Variants in TPCN1 observed in about 807,000 individuals in gnomAD.
The protein encoded by TPCN1 is two pore segment channel 1, also known as two pore channel protein 1.
In TPCN1, 52 loss-of-function variants were observed where a neutral mutation model predicts 108.8. The ratio of observed to expected loss-of-function variants is 0.48; its 90% CI spans 0.38 to 0.60. The LOEUF is 0.60. TPCN1 is among the 20% of genes least tolerant of loss of function. The pLI is 0.00. For missense variants in TPCN1, 806 were observed against 1,072.8 expected (o/e 0.75, Z 3.47); for synonymous variants, 446 against 433.7 (o/e 1.03, Z -0.35).
At position 113,266,280 on chromosome 12, in the gene TPCN1, TG is replaced by T. The variant is rs1161541076; in HGVS notation, c.340del (p.Ala114ProfsTer35). On this transcript the variant is annotated frameshift_variant, in exon 4 of 28. Coordinates refer to ENST00000335509, the MANE Select transcript of TPCN1 (RefSeq NM_017901.6). LOFTEE classifies it high-confidence loss of function. The surrounding 1 kb of genome is among the most constrained non-coding windows in gnomAD (Gnocchi z 4.2). ...AHNHLFYLME[L>X]ATALLLLLLS... ...AATCACCTCTTCTACCTGATGGAGCTGGCCACGGCCCTGCTGCTGCTGCTGC... is the reference window on the plus strand; with the variant it reads ...AATCACCTCTTCTACCTGATGGAGCTGCCACGGCCCTGCTGCTGCTGCTGC... The T allele has an allele frequency of 6.2e-7, 1 of 1,613,828 alleles. No homozygotes were observed. The highest frequency in any genetic ancestry group is 8.5e-7 in the Non-Finnish European group (1 of 1,180,040).
intron 12 of TPCN1, 22 bp from the exon 13 acceptor site, chr12:113,278,167 C>T (rs1239272198): frequency 6.2e-7 from 1 of 1,611,222 alleles, no homozygotes; most frequent in Admixed American, 1.7e-5. Flanking sequence ...TATTTTGTCC[C>T]TTTTTATTTT....
At chr12:113,252,702 G>A (rs556226600) in intron 2 of TPCN1, among the ~76,000 whole-genome samples, 1 of 152,244 alleles carries the variant, frequency 6.6e-6, no homozygotes, top group East Asian at 1.9e-4. Context: ...TCACGAGGAC[G>A]CAGCTCCATC....
chr12:113,293,038 C>G lies in TPCN1; in HGVS notation c.2218C>G (p.Leu740Val). ...GGGGGCCTCCTCGGATGTCACCAGG[C>G]TGCTGGAGACCCTCTCCCAGATGGA... The part of the protein sequence containing the change: ...ARGASSDVTR[L>V]LETLSQMERY... Residue 740 changes from leucine to valine, a missense_variant, in exon 26 of 28, where the codon CTG becomes GTG. Coordinates refer to ENST00000335509, the MANE Select transcript of TPCN1 (RefSeq NM_017901.6). 6.2e-7 allele frequency: 1 copy of G among 1,613,112 alleles called. No homozygotes were observed. The highest frequency in any genetic ancestry group is 1.7e-5 in the Admixed American group (1 of 59,996).
rs746920235 is a variant in TPCN1, at chr12:113,288,741, C to T, written c.1707-17C>T. 3.1e-6 allele frequency: 5 copies of T among 1,610,852 alleles called. No individual in the cohort carries two copies. The highest frequency in any genetic ancestry group is 1.7e-5 in the Admixed American group (1 of 59,998). On this transcript the variant is annotated splice_polypyrimidine_tract_variant and intron_variant, in intron 20 of 27. Transcript: ENST00000335509. The surrounding 1 kb of genome is among the most constrained non-coding windows in gnomAD (Gnocchi z 4.8). ...CTCCTGCCGGCCCCGCGTCACCCTG[C>T]CCCTGTCGCCCCACAGCCTGGGCCT...
rs930510387 is a variant in TPCN1, at chr12:113,296,049, C to A, written c.2424C>A (p.Ser808Arg). 7 of 1,613,206 alleles carry A rather than the reference C, an allele frequency of 4.3e-6. No homozygotes were observed. The Admixed American group carries it at 6.7e-5, about 15-fold the overall frequency. The change falls in exon 28 of 28, where the codon AGC (serine) becomes AGA (arginine). Residue 808 changes from serine (S) to arginine (R), a missense_variant. Ser to Arg is a moderately radical substitution (Grantham distance 110). Coordinates refer to ENST00000335509, the MANE Select transcript of TPCN1 (RefSeq NM_017901.6). ...CCGCCGCCCAGCAGCCCCCAGGCAGCCGCCAGCGCTCCCAGACCGTTACCT... is the reference window on the plus strand; with the variant it reads ...CCGCCGCCCAGCAGCCCCCAGGCAGACGCCAGCGCTCCCAGACCGTTACCT... ...AAPAAQQPPG[S>R]RQRSQTVT
chr12:113,273,501 A>G lies in TPCN1; in HGVS notation c.843-68A>G. Reference sequence around the variant, plus strand: ...AGGCAGACAAGGAGCTGTCCTCTGCAAGGCATGTGCTCTGAGAGGATGGAG... The same window carrying G: ...AGGCAGACAAGGAGCTGTCCTCTGCGAGGCATGTGCTCTGAGAGGATGGAG... On this transcript the variant is annotated intron_variant, in intron 9 of 27. Coordinates refer to ENST00000335509, the MANE Select transcript of TPCN1 (RefSeq NM_017901.6). The surrounding 1 kb of genome is among the most constrained non-coding windows in gnomAD (Gnocchi z 4.0). 3 of 1,364,502 alleles carry G rather than the reference A, an allele frequency of 2.2e-6. No homozygotes were observed. The East Asian group carries it at 6.9e-5, about 31-fold the overall frequency. The allele number at this position is 1,364,502 out of a possible 1,614,324, so 84.5% of individuals were successfully genotyped here. A position where few individuals can be genotyped will look rare whatever the true frequency, so the allele number is the denominator to read the frequency against.
At position 113,289,168 on chromosome 12, in the gene TPCN1, T is replaced by A. The variant is rs1956187595; in HGVS notation, c.1796+321T>A. Reference sequence around the variant, plus strand: ...CCTCCCACTTCTCTCCTGGAGTGGCTGGGGACCTGGGCCAAGACCAGTCTT... The same window carrying A: ...CCTCCCACTTCTCTCCTGGAGTGGCAGGGGACCTGGGCCAAGACCAGTCTT... On this transcript the variant is annotated intron_variant, in intron 21 of 27. Transcript: ENST00000335509. This position sits in a 1 kb window ranked among gnomAD's most constrained non-coding sequence, Gnocchi z 4.1. 6.6e-6 allele frequency among the ~76,000 whole-genome samples: 1 copy of A among 152,180 alleles called. No individual in the cohort carries two copies. Among genetic ancestry groups the A allele is most frequent in the Non-Finnish European group, 1.5e-5 (1 of 68,022 alleles).
At chr12:113,222,998 AT>A (rs1485236803) in intron 1 of TPCN1, among the ~76,000 whole-genome samples, 1 of 152,200 alleles carries the variant, frequency 6.6e-6, no homozygotes, top group Non-Finnish European at 1.5e-5. Context: ...GTTTGAAAAT[AT>A]CTGTGGTAAA....
rs370090946 is a variant in TPCN1, at chr12:113,240,247, G to A, written c.112+13283G>A. Among the ~76,000 whole-genome samples the A allele has an allele frequency of 1.3e-4, 20 of 152,324 alleles. 1 individual carries two copies. The South Asian group carries it at 1.7e-3, about 13-fold the overall frequency. ...TATTTCCTCTTGGAGACCAGACGCCGTCCAGAGTGTATGGGGACACAGAAG... is the reference window on the plus strand; with the variant it reads ...TATTTCCTCTTGGAGACCAGACGCCATCCAGAGTGTATGGGGACACAGAAG... On this transcript the variant is annotated intron_variant, in intron 2 of 27. Coordinates refer to ENST00000335509, the MANE Select transcript of TPCN1 (RefSeq NM_017901.6).
In TPCN1 at chr12:113,281,912, C is replaced by CTT. The variant is rs1161003553; in HGVS notation, c.1342+1736_1342+1737dup. ...ACCAACTGGATACACATTTGGATTT[C>CTT]TTTTTTTTTTTTTTTTTTTTGAGAC... is the stretch of plus-strand genomic sequence containing the variant. On this transcript the variant is annotated intron_variant, in intron 15 of 27. Transcript: ENST00000335509. Among the ~76,000 whole-genome samples, 233 of 119,630 alleles carry CTT rather than the reference C, an allele frequency of 1.9e-3. 4 individuals are homozygous for CTT. The East Asian group carries it at 0.034, about 17-fold the overall frequency. 78.5% of individuals were successfully genotyped at this position (119,630 alleles called of 152,430 possible).
At chr12:113,242,461 G>A (rs2136482510) in intron 2 of TPCN1, among the ~76,000 whole-genome samples, 1 of 152,312 alleles carries the variant, frequency 6.6e-6, no homozygotes, top group Admixed American at 6.5e-5. Flanking sequence ...CAGCTTCTCT[G>A]GGCCTTAGTT....
At chr12:113,292,249 T>G in intron 25 of TPCN1, 1 of 403,036 alleles carries the variant, frequency 2.5e-6, no homozygotes, top group Non-Finnish European at 4.5e-6. Flanking sequence ...TGCCCTGCCT[T>G]TCCCTCCCGT....
In TPCN1 at chr12:113,287,007, T is replaced by C. The variant is rs1342044673; in HGVS notation, c.1547T>C (p.Val516Ala). Reference sequence around the variant, plus strand: ...TGCAGGTTTGACTTCTCCGTGACAGTGTTCGCCTTCCTGGGACTGCTGGCG... The same window carrying C: ...TGCAGGTTTGACTTCTCCGTGACAGCGTTCGCCTTCCTGGGACTGCTGGCG... ...GWNLFDFSVTVFAFLGLLALA... is the reference protein window; with the variant it reads ...GWNLFDFSVTAFAFLGLLALA... The change falls in exon 19 of 28, where the codon GTG becomes GCG. Residue 516 changes from valine (V) to alanine (A), a missense_variant. Transcript: ENST00000335509. 6.2e-7 allele frequency: 1 copy of C among 1,613,836 alleles called. No individual in the cohort carries two copies. The highest frequency in any genetic ancestry group is 1.1e-5 in the South Asian group (1 of 91,086).
rs575259903 is a variant in TPCN1, at chr12:113,273,448, G to A, written c.843-121G>A. The A allele has an allele frequency of 2.1e-5, 26 of 1,236,586 alleles. No individual in the cohort carries two copies. In the South Asian group the frequency reaches 2.8e-4, roughly 13 times the overall value. 76.6% of individuals were successfully genotyped at this position (1,236,586 alleles called of 1,614,324 possible). On this transcript the variant is annotated intron_variant, in intron 9 of 27. Transcript: ENST00000335509. This position sits in a 1 kb window ranked among gnomAD's most constrained non-coding sequence, Gnocchi z 4.0. ...CTGAGCACGGAGCCCAGGGATGAGA[G>A]TAGGGGAACCAGGGTTGGAGGCTGG...
At chr12:113,263,013 G>A (rs1245224197) in intron 3 of TPCN1, among the ~76,000 whole-genome samples, 1 of 152,178 alleles carries the variant, frequency 6.6e-6, no homozygotes, top group Non-Finnish European at 1.5e-5. Flanking sequence ...TTATGGAACA[G>A]CTGGTGTTGT....
At chr12:113,248,283 T>C (rs1011269641) in intron 2 of TPCN1, among the ~76,000 whole-genome samples, 10 of 152,250 alleles carry the variant, frequency 6.6e-5, no homozygotes, top group Non-Finnish European at 1.5e-4. Flanking sequence ...AGACCTTCTA[T>C]TTCACTTCAG....
At chr12:113,250,772 T>C (rs1362871338) in intron 2 of TPCN1, among the ~76,000 whole-genome samples, 1 of 151,938 alleles carries the variant, frequency 6.6e-6, no homozygotes, top group Non-Finnish European at 1.5e-5. Flanking sequence ...CTGGCCAACA[T>C]GGTAAAACCC....
chr12:113,256,354 GTATT>G (rs893266793), intron 2 of TPCN1, among the ~76,000 whole-genome samples: 1 of 151,424 alleles, frequency 6.6e-6, no homozygotes, highest in Non-Finnish European at 1.5e-5. Flanking sequence ...ATGTATGTAT[GTATT>G]TATTTATTTG....
rs1253830592 is a variant in TPCN1 at position 113,289,283 on chromosome 12, T to G, written c.1796+436T>G. On this transcript the variant is annotated intron_variant, in intron 21 of 27. Coordinates refer to ENST00000335509, the MANE Select transcript of TPCN1 (RefSeq NM_017901.6). This position sits in a 1 kb window ranked among gnomAD's most constrained non-coding sequence, Gnocchi z 4.1. ...GGGGAGCAGAGAGTGAAATCTCCCA[T>G]GAGCACTCCCTTTCTCCTGAGCCGC... is the stretch of plus-strand genomic sequence containing the variant. Among the ~76,000 whole-genome samples the G allele has an allele frequency of 6.6e-6, 1 of 152,250 alleles. No individual in the cohort carries two copies. The highest frequency in any genetic ancestry group is 2.4e-5 in the African/African-American group (1 of 41,476).
Sources: gnomAD v4.1 joint callset for allele counts (sites outside exome capture counted in the v4.1 genomes callset) on GRCh38, gnomAD v4.1.1 for gene constraint, Gnocchi (gnomAD v3.1) non-coding constraint, MANE v1.5 for transcripts, NCBI Gene and HGNC (gene_info 2026-07-23, HGNC 2026-07-21) for gene names.